Variants in TMC1 observed in about 807,000 individuals in gnomAD.
TMC1 encodes the protein transmembrane channel like 1.
A neutral mutation model predicts 105.8 loss-of-function variants in TMC1; 84 were observed. The ratio of observed to expected loss-of-function variants is 0.79; its 90% confidence interval spans 0.67 to 0.95. The LOEUF (loss-of-function observed/expected upper bound fraction) is 0.95, where lower values mean the gene tolerates loss of function less well. Among genes scored for constraint, TMC1 ranks in the 40% least tolerant of loss-of-function variants. The pLI, the probability that TMC1 is intolerant of heterozygous loss-of-function variation, is 0.00. For synonymous variants in TMC1, 315 were observed against 311.5 expected (o/e 1.01, Z -0.12); for missense variants, 817 against 914.1 (o/e 0.89, Z 1.37).
rs191147281 is a variant in TMC1 at position 72,710,994 on chromosome 9, A to T, written c.362+10351A>T. Among the ~76,000 whole-genome samples the T allele has an allele frequency of 2.6e-5, 4 of 152,166 alleles. No homozygotes were observed. The East Asian group carries it at 7.7e-4, about 29-fold the overall frequency. On this transcript the variant is annotated intron_variant, in intron 8 of 23. Coordinates refer to ENST00000297784, the MANE Select transcript of TMC1 (RefSeq NM_138691.3). ...CATGTGTTCTCATTGTTCAACTCCC[A>T]CTTATGAGTGAGAACATGTGGTGTT...
intron 1 of TMC1, among the ~76,000 whole-genome samples, chr9:72,547,248 C>T (rs1175348388): frequency 1.4e-5 from 2 of 146,256 alleles, no homozygotes; most frequent in Admixed American, 7.0e-5. Context: ...GATTGTGTCA[C>T]TGCACTCCAG....
intron 8 of TMC1, among the ~76,000 whole-genome samples, chr9:72,717,778 T>C (rs2117934419): frequency 1.3e-5 from 2 of 152,348 alleles, no homozygotes; most frequent in Middle Eastern, 3.4e-3. Flanking sequence ...GTTTAGGCAA[T>C]GATCTTTTTG....
intron 5 of TMC1, among the ~76,000 whole-genome samples, chr9:72,672,688 GGA>G: frequency 6.6e-6 from 1 of 151,896 alleles, no homozygotes; most frequent in African/African-American, 2.4e-5. Flanking sequence ...ATATCAGTAA[GGA>G]TACAGAAAAC....
chr9:72,802,958 T>C (rs994307373), intron 17 of TMC1, among the ~76,000 whole-genome samples: 2 of 151,950 alleles, frequency 1.3e-5, no homozygotes, highest in South Asian at 2.1e-4. Flanking sequence ...AAACAGGAGG[T>C]GTCACACTAC....
intron 18 of TMC1, among the ~76,000 whole-genome samples, chr9:72,806,389 G>C (rs71506002): frequency 2.6e-5 from 3 of 115,200 alleles, no homozygotes; most frequent in Non-Finnish European, 3.9e-5. Context: ...GCGGCTGGCC[G>C]GGCGGGGGGC....
chr9:72,754,954 C>T (rs960442136), intron 12 of TMC1, 70 bp downstream of exon 12: 31 of 1,193,026 alleles, frequency 2.6e-5, no homozygotes, highest in Non-Finnish European at 3.6e-5. Flanking sequence ...TTCTGAAACC[C>T]ACGGCCTCCT....
chr9:72,756,525 T>C (rs1330116251), intron 12 of TMC1, among the ~76,000 whole-genome samples: 1 of 152,128 alleles, frequency 6.6e-6, no homozygotes, highest in Admixed American at 6.6e-5. Flanking sequence ...CCTTTATTTA[T>C]CTCTCTCACT....
intron 20 of TMC1, among the ~76,000 whole-genome samples, chr9:72,825,705 G>A (rs1465658209): frequency 6.6e-6 from 1 of 152,178 alleles, no homozygotes; most frequent in Non-Finnish European, 1.5e-5. Flanking sequence ...CCATCTGGCT[G>A]GGGCTGCATT....
At chr9:72,675,869 G>T (rs1826194347) in intron 5 of TMC1, among the ~76,000 whole-genome samples, 2 of 152,154 alleles carry the variant, frequency 1.3e-5, no homozygotes, top group Non-Finnish European at 2.9e-5. Context: ...GAATTCTGAA[G>T]CTGGCTGAGA....
intron 2 of TMC1, among the ~76,000 whole-genome samples, chr9:72,610,989 A>G (rs1263115552): frequency 6.6e-6 from 1 of 152,182 alleles, no homozygotes; most frequent in Non-Finnish European, 1.5e-5. Context: ...AACATCTGTT[A>G]CCTCCTTACC....
intron 15 of TMC1, among the ~76,000 whole-genome samples, chr9:72,790,771 A>C (rs1828252950): frequency 6.6e-6 from 1 of 152,196 alleles, no homozygotes; most frequent in Admixed American, 6.5e-5. Flanking sequence ...AAGTTTGCAC[A>C]GGATAAGCCA....
intron 12 of TMC1, among the ~76,000 whole-genome samples, chr9:72,770,691 C>A (rs549453292): frequency 6.6e-6 from 1 of 152,178 alleles, no homozygotes; most frequent in East Asian, 1.9e-4. Context: ...GAGAAATCTT[C>A]TAACCTGACA....
intron 8 of TMC1, among the ~76,000 whole-genome samples, chr9:72,731,895 T>G (rs1827216763): frequency 6.6e-6 from 1 of 152,220 alleles, no homozygotes; most frequent in Admixed American, 6.5e-5. Context: ...CTCAATCTTT[T>G]AGCATTTATG....
At chr9:72,799,682 C>A (rs1024551825) in intron 17 of TMC1, among the ~76,000 whole-genome samples, 1 of 152,068 alleles carries the variant, frequency 6.6e-6, no homozygotes, top group African/African-American at 2.4e-5. Context: ...ATAATAAAAT[C>A]AAAGTCATCT....
rs199722739 is a variant in TMC1, at chr9:72,786,442, CAAACAAAAACAAAACAA to C, written c.885-1878_885-1862del. ...CTGGGCGACAGAGAAGACTCCTCCT[CAAACAAAAACAAAACAA>C]AAACAAAAACAAAACAAACAAAAAG... On this transcript the variant is annotated intron_variant, in intron 13 of 23. Transcript: ENST00000297784. 6.3e-3 allele frequency among the ~76,000 whole-genome samples: 956 copies of C among 152,074 alleles called. 26 individuals are homozygous for C. The East Asian group carries it at 0.089, about 14-fold the overall frequency.
intron 19 of TMC1, among the ~76,000 whole-genome samples, chr9:72,816,680 C>T (rs1011730658): frequency 2.6e-5 from 4 of 151,930 alleles, no homozygotes; most frequent in Non-Finnish European, 5.9e-5. Flanking sequence ...CGAGATGAAA[C>T]GCATGTTTTA....
At chr9:72,550,423 G>A (rs1419464435) in intron 1 of TMC1, among the ~76,000 whole-genome samples, 2 of 151,842 alleles carry the variant, frequency 1.3e-5, no homozygotes, top group Non-Finnish European at 2.9e-5. Flanking sequence ...AGCCCATATC[G>A]TGCCACTGCA....
At position 72,818,212 on chromosome 9, in the gene TMC1, A is replaced by T. The variant is rs79352296; in HGVS notation, c.1763+2002A>T. ...CAGAAACAATTAAAAATGTACGGGGATGTTTTATTCAATTCCATTGGCTTG... is the reference window on the plus strand; with the variant it reads ...CAGAAACAATTAAAAATGTACGGGGTTGTTTTATTCAATTCCATTGGCTTG... On this transcript the variant is annotated intron_variant, in intron 19 of 23. Coordinates refer to ENST00000297784, the MANE Select transcript of TMC1 (RefSeq NM_138691.3). 2.2e-3 allele frequency among the ~76,000 whole-genome samples: 330 copies of T among 152,242 alleles called. 2 individuals are homozygous for T. The highest frequency in any genetic ancestry group is 0.016 in the East Asian group (83 of 5,186).
intron 10 of TMC1, among the ~76,000 whole-genome samples, chr9:72,743,566 C>CAAAAAAAA (rs386415092): frequency 9.8e-6 from 1 of 101,724 alleles, no homozygotes; most frequent in Non-Finnish European, 2.1e-5. Context: ...GACTCTGTTT[C>CAAAAAAAA]AAAAAAAAAA....
Sources: gnomAD v4.1 joint callset for allele counts (sites outside exome capture counted in the v4.1 genomes callset) on GRCh38, gnomAD v4.1.1 for gene constraint, MANE v1.5 for transcripts, NCBI Gene and HGNC (gene_info 2026-07-23, HGNC 2026-07-21) for gene names.